Variants in CACNG5 observed in about 807,000 individuals in gnomAD.
The protein encoded by CACNG5 is voltage-dependent calcium channel gamma-5 subunit.
Under a neutral mutation model 24.8 loss-of-function variants are expected in CACNG5, and 18 were observed. That is an observed-to-expected ratio of 0.73 (90% CI 0.50 to 1.08). CACNG5 has a LOEUF of 1.08. Ranked by LOEUF, CACNG5 falls within the 50% of genes least tolerant of loss-of-function variation. The probability of loss-of-function intolerance (pLI) is 0.00; values close to 1 mark genes in which losing one functional copy is unlikely to be tolerated. For missense variants in CACNG5, 349 were observed against 367.9 expected (o/e 0.95, Z 0.42); for synonymous variants, 157 against 149.1 (o/e 1.05, Z -0.39).
intron 1 of CACNG5, among the ~76,000 whole-genome samples, chr17:66,874,858 C>T (rs187717330): frequency 6.6e-6 from 1 of 152,332 alleles, no homozygotes; most frequent in East Asian, 1.9e-4. Context: ...TCCCCTTACT[C>T]CTGCTAACCA....
At chr17:66,865,012 T>G (rs1443476410) in intron 1 of CACNG5, among the ~76,000 whole-genome samples, 1 of 152,232 alleles carries the variant, frequency 6.6e-6, no homozygotes, top group Admixed American at 6.5e-5. Flanking sequence ...TCCTGCTGCC[T>G]CAGCCTCCCA....
intron 5 of CACNG5, 98 bp downstream of exon 5, chr17:66,884,759 C>T (rs1316270798): frequency 6.2e-7 from 1 of 1,613,684 alleles, no homozygotes; most frequent in Non-Finnish European, 8.5e-7. Context: ...ATTCCACAAC[C>T]ATTTTGGACC....
rs575534947 is a variant in CACNG5, at chr17:66,889,044, T to G, written c.*3804T>G. 6.1e-4 allele frequency among the ~76,000 whole-genome samples: 93 copies of G among 152,010 alleles called. 1 individual carries two copies. The highest frequency in any genetic ancestry group is 1.5e-4 in the Non-Finnish European group (10 of 67,936). On this transcript the variant is annotated 3_prime_UTR_variant, in exon 6 of 6. Coordinates refer to ENST00000533854, the MANE Select transcript of CACNG5 (RefSeq NM_145811.3). Reference sequence around the variant, plus strand: ...GGTGTGATCTCGGCTCACTGCAACCTCTGCTTCCTGGGCTCAAGCAATTCT... The same window carrying G: ...GGTGTGATCTCGGCTCACTGCAACCGCTGCTTCCTGGGCTCAAGCAATTCT...
Position 66,877,012 on chromosome 17 carries a change from TG to T in CACNG5, c.-103-217del, listed in dbSNP as rs562897783. On this transcript the variant is annotated intron_variant, in intron 1 of 5. Coordinates refer to ENST00000533854, the MANE Select transcript of CACNG5 (RefSeq NM_145811.3). ...ATGAATGAATGAATGAATGAATGAATGAATGGCAGTACCCAGCAAGGGGACT... is the reference window on the plus strand; with the variant it reads ...ATGAATGAATGAATGAATGAATGAATAATGGCAGTACCCAGCAAGGGGACT... Among the ~76,000 whole-genome samples the T allele has an allele frequency of 7.0e-3, 1,060 of 151,490 alleles. 11 individuals carry two copies. Among genetic ancestry groups the T allele is most frequent in the African/African-American group, 0.024 (1,004 of 41,312 alleles).
intron 1 of CACNG5, among the ~76,000 whole-genome samples, chr17:66,837,826 G>A (rs1033974189): frequency 6.6e-6 from 1 of 152,026 alleles, no homozygotes; most frequent in African/African-American, 2.4e-5. Flanking sequence ...GCAGAGACAG[G>A]CCCAGCTGCT....
At chr17:66,858,156 C>T (rs561419613) in intron 1 of CACNG5, among the ~76,000 whole-genome samples, 2 of 152,232 alleles carry the variant, frequency 1.3e-5, no homozygotes, top group African/African-American at 4.8e-5. Flanking sequence ...TGCACCTCCC[C>T]GGCCCACCCC....
rs1051482440 is a variant in CACNG5, at chr17:66,892,683, T to C, written c.*7443T>C. Among the ~76,000 whole-genome samples, 1 of 152,212 alleles carries C rather than the reference T, an allele frequency of 6.6e-6. No individual in the cohort carries two copies. Among genetic ancestry groups the C allele is most frequent in the South Asian group, 2.1e-4 (1 of 4,834 alleles). ...CATACACCTCCCACCCTATTTCAGA[T>C]ACAACAATGTGTGTGAAAACACCGT... On this transcript the variant is annotated 3_prime_UTR_variant, in exon 6 of 6. Transcript: ENST00000533854.
chr17:66,879,102 A>G, intron 3 of CACNG5, 44 bp downstream of exon 3: 1 of 1,432,664 alleles, frequency 7.0e-7, no homozygotes, highest in Non-Finnish European at 9.9e-7. Flanking sequence ...GGCTGGACAG[A>G]GAGGAGCAAG....
rs1394975935 is a variant in CACNG5, at chr17:66,887,753, T to C, written c.*2513T>C. Among the ~76,000 whole-genome samples the C allele has an allele frequency of 1.3e-5, 2 of 152,310 alleles. No individual in the cohort carries two copies. Among genetic ancestry groups the C allele is most frequent in the African/African-American group, 4.8e-5 (2 of 41,558 alleles). ...CACTAGGTTCGGTCTTCACTGGCCCTGATGCTGAGCTGCTAAATGAAGGAG... is the reference window on the plus strand; with the variant it reads ...CACTAGGTTCGGTCTTCACTGGCCCCGATGCTGAGCTGCTAAATGAAGGAG... On this transcript the variant is annotated 3_prime_UTR_variant, in exon 6 of 6. Transcript: ENST00000533854.
chr17:66,856,059 T>G (rs1056838828), intron 1 of CACNG5, among the ~76,000 whole-genome samples: 1 of 152,236 alleles, frequency 6.6e-6, no homozygotes. Flanking sequence ...GGGTAAACCA[T>G]AGTTCCTATA....
intron 1 of CACNG5, among the ~76,000 whole-genome samples, chr17:66,862,105 A>G (rs1372567727): frequency 1.3e-5 from 2 of 152,148 alleles, no homozygotes; most frequent in East Asian, 1.9e-4. Flanking sequence ...GTTGGGTTGT[A>G]TCTGCAGGGC....
intron 1 of CACNG5, among the ~76,000 whole-genome samples, chr17:66,839,302 C>A (rs957199113): frequency 1.3e-5 from 2 of 151,934 alleles, no homozygotes; most frequent in Non-Finnish European, 2.9e-5. Context: ...CCAGAGATTG[C>A]CAAAAATCCC....
At chr17:66,848,245 G>A (rs1976664140) in intron 1 of CACNG5, among the ~76,000 whole-genome samples, 1 of 152,174 alleles carries the variant, frequency 6.6e-6, no homozygotes, top group African/African-American at 2.4e-5. Context: ...CCATTTCTGG[G>A]TATCCCTGTA....
intron 1 of CACNG5, among the ~76,000 whole-genome samples, chr17:66,859,629 C>G (rs1042034880): frequency 1.3e-5 from 2 of 152,072 alleles, no homozygotes; most frequent in Admixed American, 6.5e-5. Flanking sequence ...GAGAGCTTTG[C>G]TAAAGCCAGA....
At chr17:66,884,248 C>T (rs1977212086) in intron 4 of CACNG5, among the ~76,000 whole-genome samples, 1 of 152,126 alleles carries the variant, frequency 6.6e-6, no homozygotes, top group South Asian at 2.1e-4. Context: ...ATATGCACAG[C>T]AGGGTGAGAA....
intron 1 of CACNG5, among the ~76,000 whole-genome samples, chr17:66,849,612 A>G (rs1254337673): frequency 7.2e-5 from 11 of 152,266 alleles, no homozygotes; most frequent in African/African-American, 2.4e-4. Context: ...CACATCCCAG[A>G]AGGCACAAAG....
intron 1 of CACNG5, among the ~76,000 whole-genome samples, chr17:66,858,681 C>T (rs1481337068): frequency 7.3e-6 from 1 of 137,086 alleles, no homozygotes; most frequent in Non-Finnish European, 1.6e-5. Flanking sequence ...AGCCCCCCCT[C>T]CCTCCCCCCA....
At chr17:66,850,941 G>A (rs562518790) in intron 1 of CACNG5, among the ~76,000 whole-genome samples, 2 of 152,306 alleles carry the variant, frequency 1.3e-5, no homozygotes, top group African/African-American at 2.4e-5. Context: ...AGGAGAACCA[G>A]GGGGTACTGG....
rs1274353540 is a variant in CACNG5 at position 66,891,157 on chromosome 17, G to A, written c.*5917G>A. 6.6e-6 allele frequency among the ~76,000 whole-genome samples: 1 copy of A among 152,134 alleles called. No homozygotes were observed. Among genetic ancestry groups the A allele is most frequent in the Non-Finnish European group, 1.5e-5 (1 of 68,018 alleles). Reference sequence around the variant, plus strand: ...GGTCTTTTTCTCTATGTTTTTCTAAGGAATAAAGACAACTTTCCCAGAAGC... The same window carrying A: ...GGTCTTTTTCTCTATGTTTTTCTAAAGAATAAAGACAACTTTCCCAGAAGC... On this transcript the variant is annotated 3_prime_UTR_variant, in exon 6 of 6. Coordinates refer to ENST00000533854, the MANE Select transcript of CACNG5 (RefSeq NM_145811.3).
Sources: allele counts gnomAD v4.1 joint callset (sites outside exome capture counted in the v4.1 genomes callset), GRCh38; gene constraint gnomAD v4.1.1; transcripts MANE v1.5; gene names NCBI Gene and HGNC (gene_info 2026-07-23, HGNC 2026-07-21).